Variants in FBF1 observed in about 807,000 individuals in gnomAD.
The protein encoded by FBF1 is fas-binding factor 1.
A neutral mutation model predicts 147.2 loss-of-function variants in FBF1; 119 were observed. The observed-to-expected ratio is 0.81, with a 90% CI of 0.70 to 0.94. The LOEUF is 0.94. Among genes scored for constraint, FBF1 ranks in the 40% least tolerant of loss-of-function variants. The pLI, the probability that FBF1 is intolerant of heterozygous loss-of-function variation, is 0.00. For missense variants in FBF1, 1,449 were observed against 1,500.8 expected, an observed-to-expected ratio of 0.97 and a Z score of 0.57; for synonymous variants, 601 against 609.0, an observed-to-expected ratio of 0.99 and a Z score of 0.19.
Position 75,925,922 on chromosome 17 carries a change from A to G in FBF1, c.868+108T>C. 7.2e-7 allele frequency: 1 copy of G among 1,398,208 alleles called. No homozygotes were observed. Among genetic ancestry groups the G allele is most frequent in the Non-Finnish European group, 9.5e-7 (1 of 1,051,340 alleles). The allele number at this position is 1,398,208 out of a possible 1,614,324, so 86.6% of individuals were successfully genotyped here. The stretch of plus-strand genomic sequence containing the variant: ...GTCTCAGCTATAGACGTGTATAATC[A>G]CATGTGTGTATCAGGATGTGAGGCT... On this transcript the variant is annotated intron_variant, in intron 12 of 29. Coordinates refer to ENST00000636174, the MANE Select transcript of FBF1 (RefSeq NM_001319193.2). This position sits in a 1 kb window ranked among gnomAD's most constrained non-coding sequence, Gnocchi z 5.0.
intron 28 of FBF1, among the ~76,000 whole-genome samples, chr17:75,913,121 C>T (rs1244259275): frequency 6.6e-6 from 1 of 150,516 alleles, no homozygotes; most frequent in Non-Finnish European, 1.5e-5. Flanking sequence ...TCTCTCAAGA[C>T]TCAGGAGTGG....
chr17:75,926,854 G>A lies in FBF1; in HGVS notation c.499C>T (p.Leu167Phe). 6.2e-7 allele frequency: 1 copy of A among 1,613,186 alleles called. No individual in the cohort carries two copies. The highest frequency in any genetic ancestry group is 8.5e-7 in the Non-Finnish European group (1 of 1,179,598). The stretch of plus-strand genomic sequence containing the variant: ...ATTCCTCCTTCATCATAGGAGAGAA[G>A]TCCTCTCAATGGGTCTTCCAAGTCT... Reference protein sequence around the residue: ...SEDLEDPLRGLLSYDEGGITK... With the variant: ...SEDLEDPLRGFLSYDEGGITK... The change falls in exon 10 of 30, where the codon CTT (leucine) becomes TTT (phenylalanine). Residue 167 changes from leucine to phenylalanine, a missense_variant. Coordinates refer to ENST00000636174, the MANE Select transcript of FBF1 (RefSeq NM_001319193.2).
At position 75,920,423 on chromosome 17, in the gene FBF1, G is replaced by A; in HGVS notation, c.1681C>T (p.Leu561Phe). Reference protein sequence around the residue: ...TEPSVPVQPLLPESLARSLLP... With the variant: ...TEPSVPVQPLFPESLARSLLP... ...AGGCTCCGGGCCAGGGACTCTGGGA[G>A]CAGGGGCTGGAGGAGAGGAAGAGAG... The change falls in exon 18 of 30, where the codon CTC becomes TTC. Residue 561 changes from leucine to phenylalanine, a missense_variant. Transcript: ENST00000636174. 6.2e-7 allele frequency: 1 copy of A among 1,606,640 alleles called. No individual in the cohort carries two copies. Among genetic ancestry groups the A allele is most frequent in the Middle Eastern group, 1.7e-4 (1 of 5,720 alleles).
chr17:75,940,190 C>T (rs1001410841), intron 1 of FBF1, among the ~76,000 whole-genome samples: 9 of 151,478 alleles, frequency 5.9e-5, no homozygotes, highest in East Asian at 3.9e-4. Flanking sequence ...ATCTGCCCGT[C>T]TCGGCCTCCC....
In FBF1 at chr17:75,928,959, G is replaced by A. The variant is rs939026965; in HGVS notation, c.280-766C>T. On this transcript the variant is annotated intron_variant, in intron 7 of 29. Transcript: ENST00000636174. This position sits in a 1 kb window ranked among gnomAD's most constrained non-coding sequence, Gnocchi z 4.2. ...ACCTGCCATGGCCTCCCAAAGTGCT[G>A]GCATTACAGGAGTAAGCCACCATGC... is the stretch of plus-strand genomic sequence containing the variant. Among the ~76,000 whole-genome samples, 2 of 151,718 alleles carry A rather than the reference G, an allele frequency of 1.3e-5. No individual in the cohort carries two copies. Among genetic ancestry groups the A allele is most frequent in the Non-Finnish European group, 2.9e-5 (2 of 67,982 alleles).
chr17:75,914,616 C>T (rs1317021974), intron 25 of FBF1, 131 bp downstream of exon 25: 1 of 972,334 alleles, frequency 1.0e-6, no homozygotes, highest in South Asian at 1.7e-5. Context: ...GATGCGATTA[C>T]TGTTTTAATC....
At chr17:75,932,592 A>G (rs763732611) in intron 5 of FBF1, among the ~76,000 whole-genome samples, 8 of 151,882 alleles carry the variant, frequency 5.3e-5, no homozygotes, top group Admixed American at 1.3e-4. Flanking sequence ...TAAAAATACC[A>G]AAATTAGCCG....
chr17:75,913,621 G>A (rs1474445485), intron 28 of FBF1, 81 bp downstream of exon 28: 6 of 959,516 alleles, frequency 6.3e-6, no homozygotes, highest in African/African-American at 2.7e-5. Flanking sequence ...TAACTGGAGC[G>A]GCTGGAGGAG....
At position 75,933,080 on chromosome 17, in the gene FBF1, G is replaced by A. The variant is rs187976260; in HGVS notation, c.82C>T (p.Pro28Ser). The A allele has an allele frequency of 3.4e-3, 5,522 of 1,601,014 alleles. 20 individuals carry two copies. Among genetic ancestry groups the A allele is most frequent in the Middle Eastern group, 4.3e-3 (26 of 6,022 alleles). The change falls in exon 5 of 30, where the codon CCT becomes TCT. Residue 28 changes from proline to serine, a missense_variant. Pro to Ser is a moderately conservative substitution (Grantham distance 74). Coordinates refer to ENST00000636174, the MANE Select transcript of FBF1 (RefSeq NM_001319193.2). ...GDLLGDDMTL[P>S]EKPVKLASHT... is the part of the protein sequence containing the mutation. ...GAAGCTAGTTTAACAGGCTTCTCAG[G>A]TAGTGTCACTGGAAAAAAAGAAAAG...
chr17:75,917,798 G>A lies in FBF1; in HGVS notation c.2439C>T (p.Ser813=). 1 of 1,610,266 alleles carries A rather than the reference G, an allele frequency of 6.2e-7. No homozygotes were observed. Among genetic ancestry groups the A allele is most frequent in the Non-Finnish European group, 8.5e-7 (1 of 1,179,092 alleles). The stretch of plus-strand genomic sequence containing the variant: ...TCTTCCCGATGACCTCCTGTTGCCG[G>A]CTCCGCTCCTCCTCCATGTCCCGCT... The part of the protein sequence containing the change: ...QQQRDMEEER[S]RQQEVIGKME... The change falls in exon 23 of 30, where the codon AGC becomes AGT. Residue 813 remains serine (S), a synonymous_variant. Transcript: ENST00000636174.
At position 75,920,271 on chromosome 17, in the gene FBF1, C is replaced by T; in HGVS notation, c.1830+3G>A. ...CAGCACCAACGGCCCCGCTGCCCCT[C>T]ACCTGGGCCTCCAGCTCTGCCAGCC... On this transcript the variant is annotated splice_donor_region_variant and intron_variant, in intron 18 of 29. Coordinates refer to ENST00000636174, the MANE Select transcript of FBF1 (RefSeq NM_001319193.2). The T allele has an allele frequency of 1.9e-6, 3 of 1,608,662 alleles. No individual in the cohort carries two copies. The South Asian group carries it at 3.3e-5, about 18-fold the overall frequency.
intron 23 of FBF1, among the ~76,000 whole-genome samples, chr17:75,917,491 G>C (rs1319049651): frequency 6.8e-6 from 1 of 148,100 alleles, no homozygotes; most frequent in Non-Finnish European, 1.5e-5. Flanking sequence ...TGGCCGAGGG[G>C]CTTGCGGTGC....
chr17:75,926,112 G>A lies in FBF1; in HGVS notation c.786C>T (p.Gly262=), dbSNP rs758225995. Residue 262 remains glycine (G), a synonymous_variant, in exon 12 of 30, where the codon GGC becomes GGT. Coordinates refer to ENST00000636174, the MANE Select transcript of FBF1 (RefSeq NM_001319193.2). ...GGCGGGCCAGGAGTTTGGTGGCCAT[G>A]CCTCGACCCAGCAGCTCATCCAGCG... The part of the protein sequence containing the change: ...RSTLDELLGR[G]MATKLLARPG... 6.2e-7 allele frequency: 1 copy of A among 1,611,336 alleles called. No individual in the cohort carries two copies. The highest frequency in any genetic ancestry group is 1.3e-5 in the African/African-American group (1 of 74,942).
Position 75,909,668 on chromosome 17 carries a change from C to G in FBF1, c.*1055G>C, listed in dbSNP as rs536134827. On this transcript the variant is annotated 3_prime_UTR_variant, in exon 30 of 30. Transcript: ENST00000636174. Reference sequence around the variant, plus strand: ...TACCCTTCTCCTGGCTGTGGTCCAGCTGCCAGGTGCCACCGCAGACCGCAG... The same window carrying G: ...TACCCTTCTCCTGGCTGTGGTCCAGGTGCCAGGTGCCACCGCAGACCGCAG... The G allele has an allele frequency of 7.8e-3, 4,452 of 569,198 alleles. 20 individuals carry two copies. The highest frequency in any genetic ancestry group is 0.011 in the Non-Finnish European group (3,465 of 318,828). 35.3% of individuals were successfully genotyped at this position (569,198 alleles called of 1,614,324 possible). A position where few individuals can be genotyped will look rare whatever the true frequency, so the allele number is the denominator to read the frequency against.
At chr17:75,939,090 G>C (rs1423234626) in intron 1 of FBF1, among the ~76,000 whole-genome samples, 1 of 151,912 alleles carries the variant, frequency 6.6e-6, no homozygotes, top group African/African-American at 2.4e-5. Flanking sequence ...GAGGTCAGGA[G>C]TTCAAGACCA....
chr17:75,910,019 C>T lies in FBF1; in HGVS notation c.*704G>A. The T allele has an allele frequency of 1.5e-6, 1 of 674,674 alleles. No individual in the cohort carries two copies. Among genetic ancestry groups the T allele is most frequent in the Non-Finnish European group, 2.7e-6 (1 of 367,356 alleles). 41.8% of individuals were successfully genotyped at this position (674,674 alleles called of 1,614,324 possible). ...AGGCTTCCCTCCTCGTCCCTCCCCACACCCCACCATCGCCACAGCTCCCTC... is the reference window on the plus strand; with the variant it reads ...AGGCTTCCCTCCTCGTCCCTCCCCATACCCCACCATCGCCACAGCTCCCTC... On this transcript the variant is annotated 3_prime_UTR_variant, in exon 30 of 30. Transcript: ENST00000636174. The surrounding 1 kb of genome is among the most constrained non-coding windows in gnomAD (Gnocchi z 4.1).
Position 75,921,254 on chromosome 17 carries a change from ACGGAAGGCT to A in FBF1, c.1655_1663del (p.Glu552_Ser554del). ...TGCCCACACCCCTACCTGGACGGGCACGGAAGGCTCTGTGGGTTTCTGGGTGCTCGGGAA... is the reference window on the plus strand; with the variant it reads ...TGCCCACACCCCTACCTGGACGGGCACTGTGGGTTTCTGGGTGCTCGGGAA... On this transcript the variant is annotated inframe_deletion, in exon 17 of 30. Coordinates refer to ENST00000636174, the MANE Select transcript of FBF1 (RefSeq NM_001319193.2). 6.3e-7 allele frequency: 1 copy of A among 1,589,308 alleles called. No individual in the cohort carries two copies. Among genetic ancestry groups the A allele is most frequent in the Non-Finnish European group, 8.6e-7 (1 of 1,167,750 alleles).
intron 8 of FBF1, 115 bp downstream of exon 8, chr17:75,927,961 G>A: frequency 2.5e-6 from 2 of 810,754 alleles, no homozygotes; most frequent in Non-Finnish European, 4.0e-6. Context: ...ATCCTGTGCA[G>A]AGAAAACCCA....
At chr17:75,914,492 C>T (rs2065475808) in intron 25 of FBF1, 194 bp from the exon 26 acceptor site, 6 of 950,190 alleles carry the variant, frequency 6.3e-6, no homozygotes, top group Non-Finnish European at 9.1e-6. Flanking sequence ...GTGGCAGGCT[C>T]AACTCTGAAG....
Sources: allele counts gnomAD v4.1 joint callset (sites outside exome capture counted in the v4.1 genomes callset), GRCh38; gene constraint gnomAD v4.1.1; non-coding constraint Gnocchi (gnomAD v3.1); transcripts MANE v1.5; gene names NCBI Gene and HGNC (gene_info 2026-07-23, HGNC 2026-07-21).